FGFBP2: variants seen among roughly 807,000 people sequenced by gnomAD.
FGFBP2 encodes the protein fibroblast growth factor binding protein 2, also known as fibroblast growth factor-binding protein 2.
FGFBP2 carries 7 observed loss-of-function variants against 7.3 expected under a neutral mutation model. That is an observed-to-expected ratio of 0.96 (90% CI 0.55 to 1.81). The LOEUF is 1.81. Among genes scored for constraint, FGFBP2 ranks in the 40% most tolerant of loss-of-function variants. The probability of loss-of-function intolerance (pLI) is 0.00; values close to 1 mark genes in which losing one functional copy is unlikely to be tolerated. For synonymous variants in FGFBP2, 131 were observed against 110.2 expected (o/e 1.19, Z -1.18); for missense variants, 291 against 280.1 (o/e 1.04, Z -0.28).
rs772681167 is a variant in FGFBP2, at chr4:15,962,473, G to A, written c.657C>T (p.Ser219=). The change falls in exon 1 of 2, where the codon AGC becomes AGT. Residue 219 remains serine, a synonymous_variant. Coordinates refer to ENST00000259989, the MANE Select transcript of FGFBP2 (RefSeq NM_031950.4). ...CTTTCACCTGTCACCCTCGGAAGAA[G>A]CTGATGAGAAAGGCGCACAGGGCCT... The part of the protein sequence containing the change: ...PFQALCAFLI[S]FFRG 1 of 1,563,204 alleles carries A rather than the reference G, an allele frequency of 6.4e-7. No individual in the cohort carries two copies. Among genetic ancestry groups the A allele is most frequent in the Non-Finnish European group, 8.7e-7 (1 of 1,153,848 alleles).
intron 1 of FGFBP2, 94 bp downstream of exon 1, chr4:15,962,344 A>C: frequency 8.9e-7 from 1 of 1,122,634 alleles, no homozygotes; most frequent in African/African-American, 1.6e-5. Context: ...ATGTGGTCGC[A>C]GCAGCTGTGA....
rs757579740 is a variant in FGFBP2, at chr4:15,962,902, C to T, written c.228G>A (p.Gly76=). 5.7e-6 allele frequency: 9 copies of T among 1,573,222 alleles called. No homozygotes were observed. In the Admixed American group the frequency reaches 8.7e-5, roughly 15 times the overall value. ...CGAAAGCCTGGCACATGCTGGGCTG[C>T]CCCCTGTACTCACACCAGTAGGTCT... The part of the protein sequence containing the change: ...TDQTYWCEYR[G]QPSMCQAFAA... The change falls in exon 1 of 2, where the codon GGG becomes GGA. Residue 76 remains glycine (G), a synonymous_variant. Transcript: ENST00000259989.
intron 1 of FGFBP2, among the ~76,000 whole-genome samples, chr4:15,961,063 C>G (rs987889892): frequency 2.0e-5 from 3 of 152,180 alleles, no homozygotes; most frequent in South Asian, 2.1e-4. Context: ...ATACAGTAGT[C>G]CTATGCAGCT....
At chr4:15,961,325 GA>G (rs902633047) in intron 1 of FGFBP2, among the ~76,000 whole-genome samples, 4 of 146,236 alleles carry the variant, frequency 2.7e-5, no homozygotes, top group Admixed American at 6.8e-5. Context: ...ACTTTAAAAA[GA>G]AAAAAAAAAG....
At position 15,962,687 on chromosome 4, in the gene FGFBP2, G is replaced by A. The variant is rs774315896; in HGVS notation, c.443C>T (p.Pro148Leu). 2.0e-5 allele frequency: 33 copies of A among 1,614,150 alleles called. 1 individual carries two copies. The South Asian group carries it at 3.6e-4, about 18-fold the overall frequency. Residue 148 changes from proline (P) to leucine (L), a missense_variant, in exon 1 of 2, where the codon CCA becomes CTA. Physicochemically the swap from Pro to Leu is moderately conservative, Grantham distance 98. Coordinates refer to ENST00000259989, the MANE Select transcript of FGFBP2 (RefSeq NM_031950.4). ...CACTGTGGCCTTGGGCCTCAGAGAT[G>A]GCGTCCCAGCCTCAGGCTGCTGGTT... ...EPNQQPEAGT[P>L]SLRPKATVKL...
At chr4:15,962,081 A>G (rs1713099068) in intron 1 of FGFBP2, among the ~76,000 whole-genome samples, 1 of 152,178 alleles carries the variant, frequency 6.6e-6, no homozygotes, top group South Asian at 2.1e-4. Context: ...CATCACAAGG[A>G]GATTCTCAAC....
chr4:15,963,094 C>A lies in FGFBP2; in HGVS notation c.36G>T (p.Leu12Phe), dbSNP rs375004559. The A allele has an allele frequency of 6.2e-7, 1 of 1,608,488 alleles. No individual in the cohort carries two copies. The highest frequency in any genetic ancestry group is 8.5e-7 in the Non-Finnish European group (1 of 1,176,492). Reference protein sequence around the residue: ...KFVPCLLLVTLSCLGTLGQAP... With the variant: ...KFVPCLLLVTFSCLGTLGQAP... ...CCTGACCCAAAGTCCCCAGGCAGGACAAGGTCACCAGCAGGAGGCAGGGGA... is the reference window on the plus strand; with the variant it reads ...CCTGACCCAAAGTCCCCAGGCAGGAAAAGGTCACCAGCAGGAGGCAGGGGA... Residue 12 changes from leucine to phenylalanine, a missense_variant, in exon 1 of 2, where the codon TTG becomes TTT. Coordinates refer to ENST00000259989, the MANE Select transcript of FGFBP2 (RefSeq NM_031950.4).
rs770267298 is a variant in FGFBP2 at position 15,962,619 on chromosome 4, C to CT, written c.510dup (p.Glu171ArgfsTer26). 2.0e-5 allele frequency: 32 copies of CT among 1,614,194 alleles called. No homozygotes were observed. Among genetic ancestry groups the CT allele is most frequent in the Non-Finnish European group, 2.7e-5 (32 of 1,180,034 alleles). On this transcript the variant is annotated frameshift_variant, in exon 1 of 2. Transcript: ENST00000259989. LOFTEE classifies it low-confidence loss of function (END_TRUNC). ...GTGGTGGGTTTGGCTTTTCCCAGCT[C>CT]TTCCATCGAGTCCTTTCCCAGCTGT...
chr4:15,961,494 G>A lies in FGFBP2; in HGVS notation c.*21-883C>T, dbSNP rs374718765. ...AACATTTCTTGCTGCCTGGGCGCTT[G>A]TAGAAAAAGCCTTATTTGTTTGGTG... On this transcript the variant is annotated intron_variant, in intron 1 of 1. Transcript: ENST00000259989. Among the ~76,000 whole-genome samples the A allele has an allele frequency of 2.6e-5, 4 of 152,256 alleles. No individual in the cohort carries two copies. The East Asian group carries it at 7.7e-4, about 29-fold the overall frequency.
chr4:15,963,137 C>T lies in FGFBP2; in HGVS notation c.-8G>A, dbSNP rs1560350920. On this transcript the variant is annotated 5_prime_UTR_variant, in exon 1 of 2. Transcript: ENST00000259989. ...GCAGGGGACGAACTTCATGGCGATA[C>T]TCCGATAAACTTGCTTGCAACTCTG... is the stretch of plus-strand genomic sequence containing the variant. 1 of 1,575,612 alleles carries T rather than the reference C, an allele frequency of 6.3e-7. No individual in the cohort carries two copies. The highest frequency in any genetic ancestry group is 8.6e-7 in the Non-Finnish European group (1 of 1,159,218).
At position 15,962,425 on chromosome 4, in the gene FGFBP2, G is replaced by A. The variant is rs1185047936; in HGVS notation, c.*20+13C>T. 6.6e-7 allele frequency: 1 copy of A among 1,518,446 alleles called. No individual in the cohort carries two copies. Among genetic ancestry groups the A allele is most frequent in the Non-Finnish European group, 8.8e-7 (1 of 1,133,450 alleles). 94.1% of individuals were successfully genotyped at this position (1,518,446 alleles called of 1,614,324 possible). A position where few individuals can be genotyped will look rare whatever the true frequency, so the allele number is the denominator to read the frequency against. On this transcript the variant is annotated intron_variant, in intron 1 of 1. Coordinates refer to ENST00000259989, the MANE Select transcript of FGFBP2 (RefSeq NM_031950.4). ...ACGTAGTCTCTGTATATGAGTAAAG[G>A]AAAGGGTATTACCTGTAGGGGTCTT...
Position 15,962,600 on chromosome 4 carries a change from G to A in FGFBP2, c.530C>T (p.Pro177Leu). ...AGGTTTGGCTGTGGGTCGGGTGGTG[G>A]GTTTGGCTTTTCCCAGCTCTTCCAT... ...DSMEELGKAKPTTRPTAKPTQ... is the reference protein window; with the variant it reads ...DSMEELGKAKLTTRPTAKPTQ... The change falls in exon 1 of 2, where the codon CCC becomes CTC. Residue 177 changes from proline to leucine, a missense_variant. Transcript: ENST00000259989. 1 of 1,614,198 alleles carries A rather than the reference G, an allele frequency of 6.2e-7. No homozygotes were observed. The highest frequency in any genetic ancestry group is 1.1e-5 in the South Asian group (1 of 91,078).
rs62617788 is a variant in FGFBP2, at chr4:15,962,951, C to T, written c.179G>A (p.Arg60His). The change falls in exon 1 of 2, where the codon CGT becomes CAT. Residue 60 changes from arginine to histidine, a missense_variant. Transcript: ENST00000259989. ...CTGGTCTGTGTTGCGGCAGTCGACA[C>T]GAAGCCAGACTTCTCCAGCACCTTG... is the stretch of plus-strand genomic sequence containing the variant. ...LGQGAGEVWL[R>H]VDCRNTDQTY... is the part of the protein sequence containing the mutation. 49,310 of 1,610,052 alleles carry T rather than the reference C, an allele frequency of 0.031. 1,015 individuals carry two copies. Among genetic ancestry groups the T allele is most frequent in the Non-Finnish European group, 0.035 (41,382 of 1,178,854 alleles).
rs111707241 is a variant in FGFBP2 at position 15,962,734 on chromosome 4, G to A, written c.396C>T (p.Ser132=). ...GGTTGGGCTCTGGGCTGCCCTTGAG[G>A]CTGGAAGTCACCTGCTGCATATGGG... ...PQAHMQQVTS[S]LKGSPEPNQQ... is the part of the protein sequence containing the mutation. The change falls in exon 1 of 2, where the codon AGC becomes AGT. Residue 132 remains serine, a synonymous_variant. Transcript: ENST00000259989. 1.4e-3 allele frequency: 2,233 copies of A among 1,612,778 alleles called. 54 individuals are homozygous for A. Among genetic ancestry groups the A allele is most frequent in the Non-Finnish European group, 2.5e-4 (297 of 1,179,640 alleles).
chr4:15,960,787 G>A (rs1191766022), intron 1 of FGFBP2, among the ~76,000 whole-genome samples, 176 bp from the exon 2 acceptor site: 3 of 152,126 alleles, frequency 2.0e-5, no homozygotes, highest in African/African-American at 7.2e-5. Flanking sequence ...TTAAAGAGGT[G>A]GTTAAGGTAA....
chr4:15,963,148 T>G lies in FGFBP2; in HGVS notation c.-19A>C. 6.4e-7 allele frequency: 1 copy of G among 1,564,952 alleles called. No individual in the cohort carries two copies. On this transcript the variant is annotated 5_prime_UTR_variant, in exon 1 of 2. Transcript: ENST00000259989. ...ACTTCATGGCGATACTCCGATAAAC[T>G]TGCTTGCAACTCTGCACCAGGAGAG...
Position 15,962,978 on chromosome 4 carries a change from C to A in FGFBP2, c.152G>T (p.Gly51Val), listed in dbSNP as rs1713131749. 6 of 1,613,472 alleles carry A rather than the reference C, an allele frequency of 3.7e-6. No individual in the cohort carries two copies. The highest frequency in any genetic ancestry group is 1.3e-5 in the African/African-American group (1 of 74,934). Residue 51 changes from glycine to valine, a missense_variant, in exon 1 of 2, where the codon GGG becomes GTG. Coordinates refer to ENST00000259989, the MANE Select transcript of FGFBP2 (RefSeq NM_031950.4). ...AAGCCAGACTTCTCCAGCACCTTGC[C>A]CCAAGCTGCTGGGACGCATAGTGCA... ...DSCTMRPSSL[G>V]QGAGEVWLRV...
chr4:15,962,027 C>A lies in FGFBP2; in HGVS notation c.*20+411G>T, dbSNP rs555370170. 5.9e-5 allele frequency among the ~76,000 whole-genome samples: 9 copies of A among 152,282 alleles called. No individual in the cohort carries two copies. In the South Asian group the frequency reaches 1.2e-3, roughly 21 times the overall value. On this transcript the variant is annotated intron_variant, in intron 1 of 1. Transcript: ENST00000259989. ...ATGCTTGGTTCATTAGGAAACGTTA[C>A]CCGGCAGAATTCCAAAGGCCTCGGT...
chr4:15,963,115 G>A lies in FGFBP2; in HGVS notation c.15C>T (p.Pro5=). MKFV[P]CLLLVTLSCL... ...AGGACAAGGTCACCAGCAGGAGGCA[G>A]GGGACGAACTTCATGGCGATACTCC... is the stretch of plus-strand genomic sequence containing the variant. The change falls in exon 1 of 2, where the codon CCC becomes CCT. Residue 5 remains proline (P), a synonymous_variant. Transcript: ENST00000259989. The A allele has an allele frequency of 6.3e-7, 1 of 1,599,538 alleles. No individual in the cohort carries two copies. The highest frequency in any genetic ancestry group is 8.5e-7 in the Non-Finnish European group (1 of 1,171,616).
Sources: allele counts gnomAD v4.1 joint callset (sites outside exome capture counted in the v4.1 genomes callset), GRCh38; gene constraint gnomAD v4.1.1; transcripts MANE v1.5; gene names NCBI Gene and HGNC (gene_info 2026-07-23, HGNC 2026-07-21).